Variants in HERC1 observed in about 807,000 individuals in gnomAD.
HERC1 encodes HECT and RLD domain containing E3 ubiquitin protein ligase family member 1.
In HERC1, 160 loss-of-function variants were observed where a neutral mutation model predicts 554.3. That is an observed-to-expected ratio of 0.29 (90% confidence interval 0.25 to 0.33). The LOEUF is 0.33. Among genes scored for constraint, HERC1 ranks in the 10% least tolerant of loss-of-function variants. The pLI is 1.00. For synonymous variants in HERC1, 2,175 were observed against 2,131.7 expected (o/e 1.02, Z -0.56); for missense variants, 4,919 against 5,918.5 (o/e 0.83, Z 5.54).
Position 63,649,857 on chromosome 15 carries a change from C to G in HERC1, c.10615G>C (p.Ala3539Pro). The change falls in exon 54 of 78, where the codon GCT becomes CCT. Residue 3539 changes from alanine (A) to proline (P), a missense_variant. By Grantham distance (27) the Ala-to-Pro change is conservative. Around this residue, in one of 11 missense-constraint regions of HERC1, gnomAD observed 1,963 missense variants for 2,228.6 expected, o/e 0.88. Coordinates refer to ENST00000443617, the MANE Select transcript of HERC1 (RefSeq NM_003922.4). ...SALAWPEEGP[A>P]TAWSGESPEL... ...GGAGACTCTCCTGACCAGGCTGTAG[C>G]CGGACCCTCTTCTGGCCAAGCCAGG... The G allele has an allele frequency of 6.2e-7, 1 of 1,613,030 alleles. No individual in the cohort carries two copies. The highest frequency in any genetic ancestry group is 1.1e-5 in the South Asian group (1 of 90,814).
intron 74 of HERC1, among the ~76,000 whole-genome samples, chr15:63,622,326 C>CTT (rs35490295): frequency 0.16 from 18,657 of 117,508 alleles, 2,082 homozygotes; most frequent in Middle Eastern, 0.23. Context: ...TGCCTGTTTC[C>CTT]TTTTTTTTTT....
intron 1 of HERC1, among the ~76,000 whole-genome samples, chr15:63,790,890 A>G (rs1324108283): frequency 3.9e-5 from 6 of 152,098 alleles, no homozygotes; most frequent in Non-Finnish European, 7.4e-5. Context: ...TAATATAATC[A>G]AAAGTTATAA....
At chr15:63,733,813 CT>C (rs1346550298) in intron 13 of HERC1, among the ~76,000 whole-genome samples, 1 of 152,066 alleles carries the variant, frequency 6.6e-6, no homozygotes, top group Admixed American at 6.6e-5. Context: ...GATCGTGCCA[CT>C]GCACTCCAGC....
intron 26 of HERC1, among the ~76,000 whole-genome samples, chr15:63,697,410 A>G (rs2072477651): frequency 6.6e-6 from 1 of 150,750 alleles, no homozygotes; most frequent in Admixed American, 6.6e-5. Flanking sequence ...TTCTCATTAC[A>G]CTATATCGAC....
At chr15:63,669,383 A>C (rs899245225) in intron 40 of HERC1, among the ~76,000 whole-genome samples, 155 bp downstream of exon 40, 1 of 152,248 alleles carries the variant, frequency 6.6e-6, no homozygotes, top group Admixed American at 6.5e-5. Context: ...CACAGCTTCA[A>C]CATGAAGATC....
intron 2 of HERC1, among the ~76,000 whole-genome samples, chr15:63,769,915 T>C (rs2075897494): frequency 6.6e-6 from 1 of 152,284 alleles, no homozygotes; most frequent in African/African-American, 2.4e-5. Flanking sequence ...CTTCCTCTTA[T>C]CTACCATACT....
chr15:63,642,676 G>T (rs1383888656), intron 59 of HERC1, among the ~76,000 whole-genome samples: 1 of 152,156 alleles, frequency 6.6e-6, no homozygotes, highest in Non-Finnish European at 1.5e-5. Context: ...AATCATGGCA[G>T]AAAGTCAAAA....
chr15:63,637,542 A>T lies in HERC1; in HGVS notation c.12195T>A (p.Asp4065Glu). The change falls in exon 64 of 78, where the codon GAT becomes GAA. Residue 4065 changes from aspartate to glutamate, a missense_variant. Transcript: ENST00000443617. Reference sequence around the variant, plus strand: ...AAATAACTGTCAGCACATGAAGGTCATCTGAATTTCCTTGTCCTAATCTGC... The same window carrying T: ...AAATAACTGTCAGCACATGAAGGTCTTCTGAATTTCCTTGTCCTAATCTGC... ...SYGRLGQGNS[D>E]DLHVLTVISA... 1 of 1,566,410 alleles carries T rather than the reference A, an allele frequency of 6.4e-7. No individual in the cohort carries two copies. The highest frequency in any genetic ancestry group is 8.7e-7 in the Non-Finnish European group (1 of 1,153,888).
chr15:63,622,773 T>C, intron 74 of HERC1, 42 bp downstream of exon 74: 1 of 1,404,764 alleles, frequency 7.1e-7, no homozygotes, highest in Non-Finnish European at 9.7e-7. Flanking sequence ...GAGCTATTAT[T>C]ATTATTTTAG....
At chr15:63,649,189 C>T (rs1469278930) in intron 54 of HERC1, among the ~76,000 whole-genome samples, 2 of 152,168 alleles carry the variant, frequency 1.3e-5, no homozygotes, top group African/African-American at 4.8e-5. Flanking sequence ...CCTGTCTCTA[C>T]TAAAAATACA....
At chr15:63,776,985 A>G (rs1293518952) in intron 1 of HERC1, among the ~76,000 whole-genome samples, 1 of 152,204 alleles carries the variant, frequency 6.6e-6, no homozygotes, top group African/African-American at 2.4e-5. Flanking sequence ...GCATTGACAT[A>G]TATTTTTTAT....
At chr15:63,798,222 A>T (rs1247226547) in intron 1 of HERC1, among the ~76,000 whole-genome samples, 1 of 152,202 alleles carries the variant, frequency 6.6e-6, no homozygotes, top group Non-Finnish European at 1.5e-5. Context: ...CCCTGATAGC[A>T]GGTTCTCCCC....
At chr15:63,820,434 T>G (rs547031423) in intron 1 of HERC1, among the ~76,000 whole-genome samples, 1 of 152,316 alleles carries the variant, frequency 6.6e-6, no homozygotes, top group East Asian at 1.9e-4. Context: ...GCTTCTAAAT[T>G]TTATTAACAT....
intron 1 of HERC1, among the ~76,000 whole-genome samples, chr15:63,791,656 C>T (rs1213210878): frequency 6.6e-6 from 1 of 152,090 alleles, no homozygotes; most frequent in African/African-American, 2.4e-5. Flanking sequence ...ATTGCAAATC[C>T]AGGTTCCTTC....
intron 2 of HERC1, 82 bp from the exon 3 acceptor site, chr15:63,764,273 A>G: frequency 1.1e-6 from 1 of 894,932 alleles, no homozygotes; most frequent in East Asian, 2.7e-5. Flanking sequence ...CTACAAAAAC[A>G]ACACCTATTT....
In HERC1 at chr15:63,612,155, T is replaced by C; in HGVS notation, c.14400+96A>G. 8.6e-6 allele frequency: 10 copies of C among 1,159,962 alleles called. No homozygotes were observed. The highest frequency in any genetic ancestry group is 1.2e-5 in the Non-Finnish European group (10 of 829,156). The allele number at this position is 1,159,962 out of a possible 1,614,324, so 71.9% of individuals were successfully genotyped here. The stretch of plus-strand genomic sequence containing the variant: ...GTAAGCTAAAATCATGCCACTGCAC[T>C]CCAGCCTGGGCCACAGAGTGAGACC... On this transcript the variant is annotated intron_variant, in intron 77 of 77. Coordinates refer to ENST00000443617, the MANE Select transcript of HERC1 (RefSeq NM_003922.4). The surrounding 1 kb of genome is among the most constrained non-coding windows in gnomAD (Gnocchi z 5.0).
intron 1 of HERC1, among the ~76,000 whole-genome samples, chr15:63,813,408 A>G (rs1158259777): frequency 6.6e-6 from 1 of 151,912 alleles, no homozygotes; most frequent in Non-Finnish European, 1.5e-5. Flanking sequence ...AAAGAGCCAC[A>G]CTTTATTCTT....
intron 19 of HERC1, among the ~76,000 whole-genome samples, chr15:63,721,801 A>C (rs1489130781): frequency 6.6e-6 from 1 of 152,188 alleles, no homozygotes; most frequent in Non-Finnish European, 1.5e-5. Context: ...AAAACAAAGG[A>C]GCTAAAAAGA....
intron 61 of HERC1, 111 bp downstream of exon 61, chr15:63,640,041 G>T: frequency 9.8e-7 from 1 of 1,022,558 alleles, no homozygotes; most frequent in African/African-American, 1.6e-5. Flanking sequence ...TTCTCTTAAG[G>T]GTATCCTTCT....
Sources: gnomAD v4.1 joint callset for allele counts (sites outside exome capture counted in the v4.1 genomes callset) on GRCh38, gnomAD v4.1.1 for gene constraint, gnomAD v4.1.1 regional missense constraint, Gnocchi (gnomAD v3.1) non-coding constraint, MANE v1.5 for transcripts, NCBI Gene and HGNC (gene_info 2026-07-23, HGNC 2026-07-21) for gene names.